Variants in PLP1 observed in about 807,000 individuals in gnomAD.
PLP1 encodes proteolipid protein 1.
In PLP1, 2 loss-of-function variants were observed where a neutral mutation model predicts 18.5. That is an observed-to-expected ratio of 0.11 (90% CI 0.04 to 0.34). PLP1 has a LOEUF of 0.34. Ranked by LOEUF, PLP1 falls within the 10% of genes least tolerant of loss-of-function variation. The pLI is 1.00. For synonymous variants in PLP1, 86 were observed against 83.2 expected (o/e 1.03, Z -0.19); for missense variants, 105 against 207.3 (o/e 0.51, Z 3.03).
In PLP1 at chrX:103,780,437, C is replaced by CTG. The variant is rs1491323272; in HGVS notation, c.4+3439_4+3440insGT. ...TGTGTACATCATTCATTCTGTCTCT[C>CTG]TCTGTGTGTGTGTGTGTGTGTGTGT... On this transcript the variant is annotated intron_variant, in intron 1 of 6. Coordinates refer to ENST00000621218, the MANE Select transcript of PLP1 (RefSeq NM_000533.5). Among the ~76,000 whole-genome samples the CTG allele has an allele frequency of 6.6e-3, 582 of 87,850 alleles. 3 individuals carry two copies. The highest frequency in any genetic ancestry group is 0.01 in the African/African-American group (242 of 24,153). 76.3% of individuals were successfully genotyped at this position (87,850 alleles called of 115,157 possible). A position where few individuals can be genotyped will look rare whatever the true frequency, so the allele number is the denominator to read the frequency against.
chrX:103,777,096 T>C, intron 1 of PLP1, 97 bp downstream of exon 1: 2 of 714,762 alleles, frequency 2.8e-6, no homozygotes, highest in South Asian at 4.5e-5. Flanking sequence ...ATGGTTTAAA[T>C]GAGTCGTGTT....
At chrX:103,789,277 T>C (rs2074524633) in intron 5 of PLP1, 56 bp from the exon 6 acceptor site, 2 of 821,749 alleles carry the variant, frequency 2.4e-6, no homozygotes, top group East Asian at 3.1e-5. Flanking sequence ...TGATTTACAG[T>C]GGAGCATATT....
At chrX:103,780,900 C>T (rs894129927) in intron 1 of PLP1, 38 of 117,855 alleles carry the variant, frequency 3.2e-4, no homozygotes, top group Admixed American at 6.0e-4. Context: ...AAGGAGGCCT[C>T]TGTTCATGGG....
At position 103,786,594 on chromosome X, in the gene PLP1, C is replaced by A; in HGVS notation, c.321C>A (p.Thr107=). Residue 107 remains threonine, a synonymous_variant, in exon 3 of 7, where the codon ACC becomes ACA. Coordinates refer to ENST00000621218, the MANE Select transcript of PLP1 (RefSeq NM_000533.5). The part of the protein sequence containing the change: ...VRQIFGDYKT[T]ICGKGLSATV... Reference sequence around the variant, plus strand: ...AGATCTTTGGCGACTACAAGACCACCATCTGCGGCAAGGGCCTGAGCGCAA... The same window carrying A: ...AGATCTTTGGCGACTACAAGACCACAATCTGCGGCAAGGGCCTGAGCGCAA... 1 of 1,211,692 alleles carries A rather than the reference C, an allele frequency of 8.3e-7. No individual in the cohort carries two copies. The highest frequency in any genetic ancestry group is 1.1e-6 in the Non-Finnish European group (1 of 895,468).
rs974724467 is a variant in PLP1, at chrX:103,791,636, G to A, written c.*1038G>A. 7 of 112,633 alleles carry A rather than the reference G, an allele frequency of 6.2e-5. No individual in the cohort carries two copies. Among genetic ancestry groups the A allele is most frequent in the African/African-American group, 2.3e-4 (7 of 30,921 alleles). The allele number at this position is 112,633 out of a possible 1,213,427, so 9.3% of individuals were successfully genotyped here. ...ATTCAGTCATCGTAGGTGATTTGAA[G>A]GTCTTGATTTGTTTTAGAATGATGC... On this transcript the variant is annotated 3_prime_UTR_variant, in exon 7 of 7. Coordinates refer to ENST00000621218, the MANE Select transcript of PLP1 (RefSeq NM_000533.5).
In PLP1 at chrX:103,787,825, G is replaced by A. The variant is rs11543023; in HGVS notation, c.481G>A (p.Val161Ile). 33 of 1,208,074 alleles carry A rather than the reference G, an allele frequency of 2.7e-5. No homozygotes were observed. The highest frequency in any genetic ancestry group is 3.4e-5 in the Non-Finnish European group (30 of 893,644). Residue 161 changes from valine (V) to isoleucine (I), a missense_variant, in exon 4 of 7, where the codon GTT (valine) becomes ATT (isoleucine). Physicochemically the swap from Val to Ile is conservative, Grantham distance 29. Transcript: ENST00000621218. ...TGTGGGCATCACCTATGCCCTGACC[G>A]TTGTGTGGCTCCTGGTGTTTGCCTG... ...KFVGITYALT[V>I]VWLLVFACSA...
At chrX:103,781,206 C>T in intron 1 of PLP1, 1 of 285,013 alleles carries the variant, frequency 3.5e-6, no homozygotes, top group Non-Finnish European at 7.1e-6. Context: ...TGAGGCGGGC[C>T]CAGGGCATGG....
At chrX:103,786,135 C>T in intron 2 of PLP1, 1 of 1,099,175 alleles carries the variant, frequency 9.1e-7, no homozygotes, top group South Asian at 2.0e-5. Flanking sequence ...CCTGTTCCTT[C>T]ACCCACCTTT....
chrX:103,778,087 T>C (rs774992577), intron 1 of PLP1, among the ~76,000 whole-genome samples: 4 of 109,930 alleles, frequency 3.6e-5, no homozygotes, highest in East Asian at 5.7e-4. Context: ...GGACAGGGAG[T>C]CGGAAAAATC....
At chrX:103,783,718 G>A (rs1247045212) in intron 1 of PLP1, among the ~76,000 whole-genome samples, 1 of 112,018 alleles carries the variant, frequency 8.9e-6, no homozygotes, top group Non-Finnish European at 1.9e-5. Flanking sequence ...TCAGGAAAAG[G>A]AGTCCCCTTT....
intron 5 of PLP1, 36 bp from the exon 6 acceptor site, chrX:103,789,297 G>C (rs1326925334): frequency 3.8e-6 from 4 of 1,057,336 alleles, no homozygotes; most frequent in Non-Finnish European, 5.3e-6. Flanking sequence ...TACTGCTGTT[G>C]CAAGAAACAG....
intron 1 of PLP1, among the ~76,000 whole-genome samples, chrX:103,784,440 C>T (rs1196171102): frequency 8.9e-6 from 1 of 111,794 alleles, no homozygotes; most frequent in Non-Finnish European, 1.9e-5. Flanking sequence ...TGTCCAAAAT[C>T]ATTAAGCCTG....
At position 103,788,100 on chromosome X, in the gene PLP1, T is replaced by C. The variant is rs1048779552; in HGVS notation, c.622+134T>C. The C allele has an allele frequency of 1.2e-5, 7 of 573,144 alleles. No individual in the cohort carries two copies. The African/African-American group carries it at 1.3e-4, about 11-fold the overall frequency. 47.2% of individuals were successfully genotyped at this position (573,144 alleles called of 1,213,427 possible). Reference sequence around the variant, plus strand: ...TGATGAATGATTGGGTCTTAGTTTATTAATCCTTCCCTACTGAAACCAGAG... The same window carrying C: ...TGATGAATGATTGGGTCTTAGTTTACTAATCCTTCCCTACTGAAACCAGAG... On this transcript the variant is annotated intron_variant, in intron 4 of 6. Coordinates refer to ENST00000621218, the MANE Select transcript of PLP1 (RefSeq NM_000533.5).
intron 1 of PLP1, chrX:103,779,727 G>A (rs1444981828): frequency 8.9e-6 from 1 of 111,742 alleles, no homozygotes; most frequent in Non-Finnish European, 1.9e-5. Context: ...AGCGATCTGA[G>A]TAATAACAAC....
chrX:103,790,408 G>A, intron 6 of PLP1, 119 bp from the exon 7 acceptor site: 1 of 604,103 alleles, frequency 1.7e-6, no homozygotes, highest in Non-Finnish European at 2.9e-6. Context: ...TGCAGAGCAT[G>A]GGTTTTTCCC....
At chrX:103,781,647 C>T (rs1489167721) in intron 1 of PLP1, among the ~76,000 whole-genome samples, 1 of 112,302 alleles carries the variant, frequency 8.9e-6, no homozygotes, top group East Asian at 2.8e-4. Flanking sequence ...TGCTAGTGTG[C>T]TTAATTCTTG....
intron 4 of PLP1, 109 bp downstream of exon 4, chrX:103,788,075 TG>T: frequency 1.6e-6 from 1 of 621,166 alleles, no homozygotes; most frequent in Non-Finnish European, 2.7e-6. Flanking sequence ...AAATATAAGA[TG>T]ATGAATGATT....
chrX:103,786,005 A>G, intron 2 of PLP1: 1 of 751,084 alleles, frequency 1.3e-6, no homozygotes, highest in Non-Finnish European at 1.8e-6. Flanking sequence ...GTTTTCTTAC[A>G]CGTGTTCTGA....
intron 5 of PLP1, 38 bp downstream of exon 5, chrX:103,788,548 C>A: frequency 1.0e-6 from 1 of 987,238 alleles, no homozygotes; most frequent in Non-Finnish European, 1.4e-6. Context: ...AAGGGAGTAG[C>A]TAATACCATA....
Sources: allele counts gnomAD v4.1 joint callset (sites outside exome capture counted in the v4.1 genomes callset), GRCh38; gene constraint gnomAD v4.1.1; transcripts MANE v1.5; gene names NCBI Gene and HGNC (gene_info 2026-07-23, HGNC 2026-07-21).